Variants in SMYD3 observed in about 807,000 individuals in gnomAD.
SMYD3 encodes the protein SET and MYND domain containing 3.
SMYD3 carries 36 observed loss-of-function variants against 57.7 expected under a neutral mutation model. The ratio of observed to expected loss-of-function variants is 0.62; its 90% CI spans 0.48 to 0.82. The LOEUF (loss-of-function observed/expected upper bound fraction) is 0.82, where lower values mean the gene tolerates loss of function less well. SMYD3 is among the 40% of genes least tolerant of loss of function. SMYD3 has a pLI of 0.00. For missense variants in SMYD3, 515 were observed against 538.8 expected (o/e 0.96, Z 0.44); for synonymous variants, 211 against 195.0 (o/e 1.08, Z -0.68).
intron 5 of SMYD3, among the ~76,000 whole-genome samples, chr1:246,125,499 TATAG>T (rs1422000906): frequency 1.3e-5 from 2 of 151,280 alleles, no homozygotes; most frequent in African/African-American, 4.9e-5. Context: ...TTCACTTTGA[TATAG>T]ATAAACTAAA....
At chr1:245,895,275 C>T (rs1169607262) in intron 8 of SMYD3, among the ~76,000 whole-genome samples, 1 of 152,124 alleles carries the variant, frequency 6.6e-6, no homozygotes, top group East Asian at 1.9e-4. Flanking sequence ...TGTTAGGTTT[C>T]AACTAATTAA....
intron 5 of SMYD3, among the ~76,000 whole-genome samples, chr1:246,112,805 T>A (rs753254106): frequency 2.4e-4 from 36 of 152,198 alleles, no homozygotes; most frequent in Non-Finnish European, 5.0e-4. Context: ...TGCCAATATA[T>A]TTACACAGAA....
rs2053202268 is a variant in SMYD3, at chr1:245,888,450, C to T, written c.814-24564G>A. Among the ~76,000 whole-genome samples the T allele has an allele frequency of 3.3e-5, 5 of 152,100 alleles. No individual in the cohort carries two copies. The South Asian group carries it at 1.0e-3, about 32-fold the overall frequency. ...TATTTTACCTTTATTTACCTTTTAA[C>T]CTTGCTTCCACAACCAAGGGCAGTA... On this transcript the variant is annotated intron_variant, in intron 8 of 11. Transcript: ENST00000490107.
chr1:246,279,545 A>C (rs983373415), intron 5 of SMYD3, among the ~76,000 whole-genome samples: 10 of 152,180 alleles, frequency 6.6e-5, no homozygotes, highest in African/African-American at 2.2e-4. Context: ...ACAAAAAAAA[A>C]GATTGTTGAG....
chr1:245,839,409 TCCGC>T (rs1436704015), intron 10 of SMYD3, among the ~76,000 whole-genome samples: 12 of 151,764 alleles, frequency 7.9e-5, no homozygotes, highest in African/African-American at 2.9e-4. Context: ...GACCTCGTGA[TCCGC>T]CCACCTCGGC....
intron 5 of SMYD3, among the ~76,000 whole-genome samples, chr1:246,211,510 A>G (rs901708394): frequency 2.0e-5 from 3 of 150,588 alleles, no homozygotes; most frequent in Admixed American, 6.6e-5. Flanking sequence ...ACAATATATA[A>G]TTCTTTCAGA....
At position 246,348,425 on chromosome 1, in the gene SMYD3, A is replaced by T. The variant is rs118133392; in HGVS notation, c.228+6606T>A. ...AGCAAGACTCTGTCTCGGAAAAAAA[A>T]ATATATATATATATGTCTTTTGCAA... On this transcript the variant is annotated intron_variant, in intron 2 of 11. Coordinates refer to ENST00000490107, the MANE Select transcript of SMYD3 (RefSeq NM_001167740.2). 5.2e-3 allele frequency among the ~76,000 whole-genome samples: 793 copies of T among 151,378 alleles called. 2 individuals are homozygous for T. Among genetic ancestry groups the T allele is most frequent in the East Asian group, 7.9e-3 (41 of 5,158 alleles).
intron 5 of SMYD3, among the ~76,000 whole-genome samples, chr1:246,147,269 T>G (rs2061862609): frequency 6.6e-6 from 1 of 152,020 alleles, no homozygotes; most frequent in African/African-American, 2.4e-5. Flanking sequence ...GGCAGCAGCT[T>G]CGATATTTAT....
At chr1:245,797,848 A>AAAAAAAAAAAAAAAT (rs2047613613) in intron 10 of SMYD3, among the ~76,000 whole-genome samples, 1 of 139,014 alleles carries the variant, frequency 7.2e-6, no homozygotes, top group South Asian at 2.3e-4. Context: ...AAAAAAAAAA[A>AAAAAAAAAAAAAAAT]GGTGGATCAA....
chr1:246,483,221 A>T lies in SMYD3; in HGVS notation c.164+23833T>A, dbSNP rs188310293. On this transcript the variant is annotated intron_variant, in intron 1 of 11. Coordinates refer to ENST00000490107, the MANE Select transcript of SMYD3 (RefSeq NM_001167740.2). ...TATATTTCAATTGATGTGCCTGAACATTAAGAGTTAAGCTGTTGATAAGTC... is the reference window on the plus strand; with the variant it reads ...TATATTTCAATTGATGTGCCTGAACTTTAAGAGTTAAGCTGTTGATAAGTC... Among the ~76,000 whole-genome samples, 57 of 152,368 alleles carry T rather than the reference A, an allele frequency of 3.7e-4. No homozygotes were observed. In the South Asian group the frequency reaches 9.5e-3, roughly 25 times the overall value.
At chr1:245,787,412 C>G (rs1396693401) in intron 10 of SMYD3, among the ~76,000 whole-genome samples, 1 of 152,194 alleles carries the variant, frequency 6.6e-6, no homozygotes, top group African/African-American at 2.4e-5. Flanking sequence ...CACATCCACA[C>G]TGTGAAGTAA....
intron 1 of SMYD3, among the ~76,000 whole-genome samples, chr1:246,395,000 A>G (rs1441072102): frequency 6.6e-6 from 1 of 152,020 alleles, no homozygotes; most frequent in Non-Finnish European, 1.5e-5. Context: ...AGGCTCCCAA[A>G]CTTAGCTATG....
chr1:246,284,503 G>A (rs1198723823), intron 5 of SMYD3, among the ~76,000 whole-genome samples: 3 of 150,056 alleles, frequency 2.0e-5, no homozygotes, highest in African/African-American at 7.4e-5. Context: ...TGCAAGCTCC[G>A]CCTCCTGGGT....
Position 246,223,884 on chromosome 1 carries a change from G to C in SMYD3, c.531+103317C>G, listed in dbSNP as rs142686220. Among the ~76,000 whole-genome samples, 330 of 152,222 alleles carry C rather than the reference G, an allele frequency of 2.2e-3. 7 individuals are homozygous for C. Among genetic ancestry groups the C allele is most frequent in the African/African-American group, 7.7e-3 (320 of 41,512 alleles). ...CTAAATTCTATAATTTCATTTGGAT[G>C]AACTTAATCACATCATAGCATTCAA... is the stretch of plus-strand genomic sequence containing the variant. On this transcript the variant is annotated intron_variant, in intron 5 of 11. Transcript: ENST00000490107.
chr1:246,248,636 C>CTTTTTTTTTTT (rs1178698803), intron 5 of SMYD3, among the ~76,000 whole-genome samples: 13 of 52,090 alleles, frequency 2.5e-4, no homozygotes, highest in Middle Eastern at 0.01. Context: ...TCTGACTTTC[C>CTTTTTTTTTTT]TTTTTTTTTT....
Position 245,858,521 on chromosome 1 carries a change from C to G in SMYD3, c.1051G>C (p.Gly351Arg). ...CTGTATGGCTCCATGGTCCGAGTAC[C>G]ATAGAACAAGGCTTCCTCCAACAGG... ...LGLLEEALFYGTRTMEPYRIF... is the reference protein window; with the variant it reads ...LGLLEEALFYRTRTMEPYRIF... The change falls in exon 10 of 12, where the codon GGT becomes CGT. Residue 351 changes from glycine (G) to arginine (R), a missense_variant. Gly to Arg is a moderately radical substitution (Grantham distance 125, BLOSUM62 -2). Coordinates refer to ENST00000490107, the MANE Select transcript of SMYD3 (RefSeq NM_001167740.2). The G allele has an allele frequency of 8.1e-6, 13 of 1,614,128 alleles. No individual in the cohort carries two copies. Among genetic ancestry groups the G allele is most frequent in the Non-Finnish European group, 1.1e-5 (13 of 1,180,018 alleles).
intron 5 of SMYD3, among the ~76,000 whole-genome samples, chr1:246,280,854 C>T (rs2064426973): frequency 6.6e-6 from 1 of 152,206 alleles, no homozygotes; most frequent in Non-Finnish European, 1.5e-5. Flanking sequence ...TTTGATCAGG[C>T]TGCCACCTCA....
intron 8 of SMYD3, among the ~76,000 whole-genome samples, chr1:245,901,988 C>T (rs1034207747): frequency 2.6e-5 from 4 of 152,120 alleles, no homozygotes; most frequent in Admixed American, 1.3e-4. Flanking sequence ...ATGCTGCATT[C>T]TAGTCACCCC....
At chr1:246,335,776 A>G (rs897446088) in intron 2 of SMYD3, among the ~76,000 whole-genome samples, 1 of 152,188 alleles carries the variant, frequency 6.6e-6, no homozygotes, top group African/African-American at 2.4e-5. Flanking sequence ...TTAATAATGT[A>G]TAAGATGGTC....
Sources: gnomAD v4.1 joint callset for allele counts (sites outside exome capture counted in the v4.1 genomes callset) on GRCh38, gnomAD v4.1.1 for gene constraint, MANE v1.5 for transcripts, NCBI Gene and HGNC (gene_info 2026-07-23, HGNC 2026-07-21) for gene names.